The following SNRPN variants were observed in gnomAD, a reference collection of about 807,000 sequenced individuals.
SNRPN encodes the protein small nuclear ribonucleoprotein polypeptide N, also known as small nuclear ribonucleoprotein-associated protein N.
A neutral mutation model predicts 25.2 loss-of-function variants in SNRPN; 7 were observed. The observed-to-expected ratio is 0.28, with a 90% CI of 0.16 to 0.52. The LOEUF (loss-of-function observed/expected upper bound fraction) is 0.52. Ranked by LOEUF, SNRPN falls within the 20% of genes least tolerant of loss-of-function variation. The probability of loss-of-function intolerance (pLI) is 0.96; values close to 1 mark genes in which losing one functional copy is unlikely to be tolerated. For synonymous variants in SNRPN, 124 were observed against 110.6 expected (o/e 1.12, Z -0.76); for missense variants, 196 against 322.5 (o/e 0.61, Z 3.00).
chr15:24,951,408 T>C (rs1319514755), upstream of SNRPN, among the ~76,000 whole-genome samples: 2 of 152,204 alleles, frequency 1.3e-5, no homozygotes, highest in African/African-American at 4.8e-5. Flanking sequence ...GACTTAACGA[T>C]TGTGTCTTTT....
chr15:24,918,639 T>TATATATGTGTGCATATATATAACATA lies in SNRPN; in HGVS notation c.-504-1365_-504-1340dup, dbSNP rs2059751591. Among the ~76,000 whole-genome samples, 3 of 107,798 alleles carry TATATATGTGTGCATATATATAACATA rather than the reference T, an allele frequency of 2.8e-5. 1 individual carries two copies. The highest frequency in any genetic ancestry group is 1.1e-4 in the African/African-American group (3 of 26,452). 70.7% of individuals were successfully genotyped at this position (107,798 alleles called of 152,430 possible). ...ATATATGTGTGTATATATAACATAA[T>TATATATGTGTGCATATATATAACATA]ATATATGTGTGCATATATATAACAT... is the stretch of plus-strand genomic sequence containing the variant. On this transcript the variant is annotated intron_variant, in intron 2 of 11. Coordinates refer to the SNRPN transcript ENST00000400097.
At chr15:24,975,150 C>T (rs1026041859) in intron 4 of SNRPN, among the ~76,000 whole-genome samples, 3 of 152,006 alleles carry the variant, frequency 2.0e-5, no homozygotes, top group African/African-American at 7.3e-5. Context: ...AAAATTGGTT[C>T]TTGAGATGTG....
chr15:24,851,734 T>A (rs954805267), upstream of SNRPN: 4 of 152,180 alleles, frequency 2.6e-5, no homozygotes, highest in African/African-American at 9.7e-5. Context: ...CCTCTGTGTC[T>A]GAGGAGGTCC....
chr15:24,967,908 A>T, intron 2 of SNRPN, 24 bp from the exon 3 acceptor site: 1 of 1,580,044 alleles, frequency 6.3e-7, no homozygotes. Context: ...TTTATCATTT[A>T]TATATATTGT....
intron 1 of SNRPN, among the ~76,000 whole-genome samples, chr15:24,858,219 G>A (rs1301478619): frequency 6.6e-6 from 1 of 152,114 alleles, no homozygotes; most frequent in Admixed American, 6.5e-5. Flanking sequence ...CATGATGGAG[G>A]GGGGTTGTTT....
chr15:24,850,614 C>G (rs1422735026), intron 2 of SNRPN: 1 of 152,278 alleles, frequency 6.6e-6, no homozygotes, highest in Non-Finnish European at 1.5e-5. Context: ...TGCACCCGGC[C>G]TAAGGGAGCT....
intron 2 of SNRPN, among the ~76,000 whole-genome samples, chr15:24,886,954 G>C (rs1454815544): frequency 1.3e-5 from 2 of 152,106 alleles, no homozygotes; most frequent in Non-Finnish European, 2.9e-5. Context: ...AAAGTGGCAG[G>C]AATGGGATGT....
chr15:24,898,775 C>T (rs2058249310), intron 2 of SNRPN, among the ~76,000 whole-genome samples: 1 of 151,918 alleles, frequency 6.6e-6, no homozygotes, highest in South Asian at 2.1e-4. Context: ...AACACCAGGC[C>T]GTGGGGGCGA....
chr15:24,858,337 G>A (rs1168003939), intron 1 of SNRPN, among the ~76,000 whole-genome samples: 1 of 152,104 alleles, frequency 6.6e-6, no homozygotes, highest in Non-Finnish European at 1.5e-5. Context: ...GAAGCAAGAT[G>A]GAGTCAGTTA....
At chr15:24,895,400 AACACACACACACACAC>A (rs10558727) in intron 2 of SNRPN, among the ~76,000 whole-genome samples, 22 of 147,234 alleles carry the variant, frequency 1.5e-4, no homozygotes, top group Non-Finnish European at 2.5e-4. Context: ...AATACACCCA[AACACACACACACACAC>A]ACACACACAC....
chr15:24,976,963 G>A lies in SNRPN; in HGVS notation c.354G>A (p.Val118=). The change falls in exon 7 of 10, where the codon GTG becomes GTA. Residue 118 remains valine (V), a synonymous_variant. Coordinates refer to ENST00000390687, the MANE Select transcript of SNRPN (RefSeq NM_003097.6). ...RAAGRGVPAG[V]PIPQAPAGLA... is the part of the protein sequence containing the mutation. The stretch of plus-strand genomic sequence containing the variant: ...CTGGTAGAGGAGTACCAGCTGGTGT[G>A]CCAATTCCCCAGGCCCCTGCTGGAT... The A allele has an allele frequency of 6.2e-7, 1 of 1,605,258 alleles. No homozygotes were observed. The highest frequency in any genetic ancestry group is 8.5e-7 in the Non-Finnish European group (1 of 1,176,882).
intron 2 of SNRPN, among the ~76,000 whole-genome samples, chr15:24,893,652 G>A (rs1234806438): frequency 1.3e-5 from 2 of 151,682 alleles, no homozygotes; most frequent in Non-Finnish European, 2.9e-5. Context: ...ATCTTATCAG[G>A]TTTTGGTCAA....
chr15:24,955,124 A>C (rs1422512841), intron 1 of SNRPN, 62 bp downstream of exon 1: 2 of 1,608,784 alleles, frequency 1.2e-6, no homozygotes, highest in Admixed American at 1.7e-5. Context: ...TTTATTCATC[A>C]GATATTCCAA....
intron 2 of SNRPN, among the ~76,000 whole-genome samples, chr15:24,893,266 A>G (rs1026578024): frequency 6.6e-6 from 1 of 151,638 alleles, no homozygotes; most frequent in Non-Finnish European, 1.5e-5. Flanking sequence ...AGTTTTTCCT[A>G]TAAGTCTGTA....
intron 2 of SNRPN, among the ~76,000 whole-genome samples, chr15:24,908,710 C>T (rs1238642830): frequency 2.6e-5 from 4 of 152,066 alleles, no homozygotes; most frequent in Non-Finnish European, 4.4e-5. Context: ...TTTTCTAGTG[C>T]TTATATACAT....
At chr15:24,825,391 G>C (rs986044676) in intron 1 of SNRPN, among the ~76,000 whole-genome samples, 9 of 151,846 alleles carry the variant, frequency 5.9e-5, no homozygotes, top group African/African-American at 2.2e-4. Context: ...AAAGAAACTA[G>C]AAGTTTTCTG....
At position 24,975,401 on chromosome 15, in the gene SNRPN, G is replaced by A; in HGVS notation, c.47G>A (p.Arg16Lys). Reference sequence around the variant, plus strand: ...AAGATGCTGCAGCACATTGACTATAGAATGAGATGTATCCTGCAAGATGGC... The same window carrying A: ...AAGATGCTGCAGCACATTGACTATAAAATGAGATGTATCCTGCAAGATGGC... ...SSKMLQHIDY[R>K]MRCILQDGRI... Residue 16 changes from arginine to lysine, a missense_variant, in exon 5 of 10, where the codon AGA (arginine) becomes AAA (lysine). Arg to Lys is a conservative substitution (Grantham distance 26, BLOSUM62 2). Transcript: ENST00000390687. 1 of 1,613,466 alleles carries A rather than the reference G, an allele frequency of 6.2e-7. No homozygotes were observed. Among genetic ancestry groups the A allele is most frequent in the Non-Finnish European group, 8.5e-7 (1 of 1,179,436 alleles).
At chr15:24,857,511 A>C (rs566977718) in intron 1 of SNRPN, among the ~76,000 whole-genome samples, 22 of 152,288 alleles carry the variant, frequency 1.4e-4, no homozygotes, top group African/African-American at 4.8e-4. Flanking sequence ...TCTTGTAATA[A>C]GGAAATTACA....
chr15:24,848,663 A>G (rs958957170), intron 2 of SNRPN: 4 of 152,100 alleles, frequency 2.6e-5, no homozygotes, highest in African/African-American at 4.8e-5. Flanking sequence ...ATATTTTTCA[A>G]TTTACTGAAC....
Sources: allele counts gnomAD v4.1 joint callset (sites outside exome capture counted in the v4.1 genomes callset), GRCh38; gene constraint gnomAD v4.1.1; transcripts MANE v1.5; gene names NCBI Gene and HGNC (gene_info 2026-07-23, HGNC 2026-07-21).